DDO: variants seen among roughly 807,000 people sequenced by gnomAD.
The protein encoded by DDO is D-aspartate oxidase.
A neutral mutation model predicts 16.8 loss-of-function variants in DDO; 16 were observed. That is an observed-to-expected ratio of 0.95 (90% CI 0.65 to 1.45). The LOEUF (loss-of-function observed/expected upper bound fraction) is 1.45, where lower values mean the gene tolerates loss of function less well. Ranked by LOEUF, DDO falls within the 40% of genes most tolerant of loss-of-function variation. The pLI is 0.00. For synonymous variants in DDO, 180 were observed against 167.2 expected (o/e 1.08, Z -0.59); for missense variants, 429 against 420.3 (o/e 1.02, Z -0.18).
intron 4 of DDO, 54 bp from the exon 5 acceptor site, chr6:110,393,396 T>C: frequency 6.7e-7 from 1 of 1,498,990 alleles, no homozygotes; most frequent in Non-Finnish European, 8.8e-7. Context: ...ATCAACTACT[T>C]CCAGGAAATA....
intron 1 of DDO, among the ~76,000 whole-genome samples, chr6:110,414,499 C>T (rs1283624236): frequency 6.6e-6 from 1 of 152,266 alleles, no homozygotes; most frequent in Non-Finnish European, 1.5e-5. Flanking sequence ...AGGGGACAGA[C>T]ATCCCGGAGC....
chr6:110,407,930 T>A lies in DDO; in HGVS notation c.281+404A>T, dbSNP rs564675006. On this transcript the variant is annotated intron_variant, in intron 3 of 4. Coordinates refer to ENST00000368924, the MANE Select transcript of DDO (RefSeq NM_001372108.2). Reference sequence around the variant, plus strand: ...TATCTCATTCTCCAAGGACACCGAATAAATAAGAAGTCCCTCTCCCTTAGG... The same window carrying A: ...TATCTCATTCTCCAAGGACACCGAAAAAATAAGAAGTCCCTCTCCCTTAGG... Among the ~76,000 whole-genome samples the A allele has an allele frequency of 1.5e-4, 23 of 152,316 alleles. No individual in the cohort carries two copies. The South Asian group carries it at 4.8e-3, about 32-fold the overall frequency.
intron 3 of DDO, among the ~76,000 whole-genome samples, chr6:110,407,977 C>T (rs1444953001): frequency 6.6e-6 from 1 of 152,224 alleles, no homozygotes; most frequent in African/African-American, 2.4e-5. Flanking sequence ...ATCCCAACAT[C>T]ATACCTGTTT....
intron 4 of DDO, among the ~76,000 whole-genome samples, chr6:110,398,709 A>G (rs1773377138): frequency 6.6e-6 from 1 of 152,122 alleles, no homozygotes; most frequent in South Asian, 2.1e-4. Flanking sequence ...AGTCAGGCCG[A>G]GCAGGAGAAC....
At chr6:110,413,585 A>G (rs1428457441) in intron 1 of DDO, 119 bp from the exon 2 acceptor site, 2 of 998,540 alleles carry the variant, frequency 2.0e-6, no homozygotes, top group South Asian at 1.7e-5. Flanking sequence ...GACTTAGCCT[A>G]TTGGTGTTTC....
chr6:110,407,949 C>A (rs563681761), intron 3 of DDO, among the ~76,000 whole-genome samples: 1 of 152,182 alleles, frequency 6.6e-6, no homozygotes, highest in African/African-American at 2.4e-5. Context: ...AGTCCCTCTC[C>A]CTTAGGTCTC....
intron 2 of DDO, among the ~76,000 whole-genome samples, chr6:110,411,453 G>C (rs1234494913): frequency 6.6e-6 from 1 of 152,112 alleles, no homozygotes; most frequent in Non-Finnish European, 1.5e-5. Context: ...TTTAAAAACT[G>C]TTATTAGTAT....
At chr6:110,394,506 A>T (rs1238320673) in intron 4 of DDO, among the ~76,000 whole-genome samples, 1 of 152,214 alleles carries the variant, frequency 6.6e-6, no homozygotes, top group African/African-American at 2.4e-5. Flanking sequence ...AGAATAGAGA[A>T]AGAGACTATC....
intron 4 of DDO, among the ~76,000 whole-genome samples, chr6:110,401,687 T>A (rs1028210270): frequency 1.6e-4 from 24 of 152,032 alleles, no homozygotes; most frequent in African/African-American, 5.6e-4. Context: ...ATAGATGGAG[T>A]TATAAAATGA....
intron 2 of DDO, among the ~76,000 whole-genome samples, chr6:110,409,339 T>C (rs780536441): frequency 1.3e-5 from 2 of 152,116 alleles, no homozygotes; most frequent in Non-Finnish European, 2.9e-5. Context: ...AGAAGGATCA[T>C]GAGAGACTGG....
intron 4 of DDO, among the ~76,000 whole-genome samples, chr6:110,395,741 C>T (rs1261766813): frequency 6.6e-6 from 1 of 152,144 alleles, no homozygotes; most frequent in African/African-American, 2.4e-5. Context: ...GGTTTGACAA[C>T]TAATTTTAAC....
At position 110,393,167 on chromosome 6, in the gene DDO, C is replaced by T; in HGVS notation, c.634G>A (p.Glu212Lys). ...QVLQVQAPWV[E>K]HFIRDGSGLT... is the part of the protein sequence containing the mutation. ...CCACTGCCATCTCGGATAAAATGCT[C>T]CACCCAGGGAGCCTGAACTTGGAGG... is the stretch of plus-strand genomic sequence containing the variant. Residue 212 changes from glutamate (E) to lysine (K), a missense_variant, in exon 5 of 5, where the codon GAG becomes AAG. Coordinates refer to ENST00000368924, the MANE Select transcript of DDO (RefSeq NM_001372108.2). 1 of 1,614,236 alleles carries T rather than the reference C, an allele frequency of 6.2e-7. No homozygotes were observed. The highest frequency in any genetic ancestry group is 8.5e-7 in the Non-Finnish European group (1 of 1,180,040).
At chr6:110,415,254 C>G (rs1165505597) in intron 1 of DDO, among the ~76,000 whole-genome samples, 1 of 152,210 alleles carries the variant, frequency 6.6e-6, no homozygotes, top group Non-Finnish European at 1.5e-5. Context: ...TCCAGCAACT[C>G]TCTCAAAACA....
At chr6:110,409,704 A>C (rs1219694793) in intron 2 of DDO, among the ~76,000 whole-genome samples, 3 of 152,262 alleles carry the variant, frequency 2.0e-5, no homozygotes, top group Non-Finnish European at 4.4e-5. Flanking sequence ...TTTAGAAATA[A>C]GGAATAAATA....
intron 3 of DDO, among the ~76,000 whole-genome samples, chr6:110,407,355 A>G (rs1562264119): frequency 6.6e-6 from 1 of 152,216 alleles, no homozygotes; most frequent in Non-Finnish European, 1.5e-5. Context: ...TAGGAAAGCA[A>G]AACTGCTACT....
chr6:110,413,855 C>A, intron 1 of DDO, among the ~76,000 whole-genome samples: 1 of 152,124 alleles, frequency 6.6e-6, no homozygotes, highest in Non-Finnish European at 1.5e-5. Flanking sequence ...CTCACTGCAA[C>A]CTCCGCCTCC....
At position 110,393,052 on chromosome 6, in the gene DDO, T is replaced by C; in HGVS notation, c.749A>G (p.Asn250Ser). 1.2e-6 allele frequency: 2 copies of C among 1,612,656 alleles called. No homozygotes were observed. Among genetic ancestry groups the C allele is most frequent in the Non-Finnish European group, 1.7e-6 (2 of 1,178,656 alleles). The change falls in exon 5 of 5, where the codon AAT becomes AGT. Residue 250 changes from asparagine (N) to serine (S), a missense_variant. Coordinates refer to ENST00000368924, the MANE Select transcript of DDO (RefSeq NM_001372108.2). The part of the protein sequence containing the change: ...GDWNLSPDAE[N>S]SREILSRCCA... ...GCATCGGGAAAGAATCTCTCTGCTATTTTCTGCATCCGGGGACAGATTCCA... is the reference window on the plus strand; with the variant it reads ...GCATCGGGAAAGAATCTCTCTGCTACTTTCTGCATCCGGGGACAGATTCCA...
intron 4 of DDO, among the ~76,000 whole-genome samples, chr6:110,403,744 T>A (rs1773557587): frequency 6.6e-6 from 1 of 152,224 alleles, no homozygotes; most frequent in Admixed American, 6.5e-5. Context: ...CTGTACTTTA[T>A]TTTACCATGT....
downstream of DDO, among the ~76,000 whole-genome samples, chr6:110,389,924 A>G (rs1246434062): frequency 6.6e-6 from 1 of 152,214 alleles, no homozygotes; most frequent in Non-Finnish European, 1.5e-5. Context: ...AGGTTGCTGC[A>G]GCTTGTGGGC....
Sources: allele counts gnomAD v4.1 joint callset (sites outside exome capture counted in the v4.1 genomes callset), GRCh38; gene constraint gnomAD v4.1.1; transcripts MANE v1.5; gene names NCBI Gene and HGNC (gene_info 2026-07-23, HGNC 2026-07-21).